KDM4C: variants seen among roughly 807,000 people sequenced by gnomAD.
KDM4C encodes lysine-specific demethylase 4C.
Under a neutral mutation model 129.3 loss-of-function variants are expected in KDM4C, and 81 were observed. The observed-to-expected ratio is 0.63, with a 90% confidence interval of 0.52 to 0.75. The LOEUF is 0.75. Ranked by LOEUF, KDM4C falls within the 30% of genes least tolerant of loss-of-function variation. The probability of loss-of-function intolerance (pLI) is 0.00; values close to 1 mark genes in which losing one functional copy is unlikely to be tolerated. For missense variants in KDM4C, 1,457 were observed against 1,304.0 expected (o/e 1.12, Z -1.81); for synonymous variants, 573 against 456.1 (o/e 1.26, Z -3.26).
Position 6,980,062 on chromosome 9 carries a change from A to T in KDM4C, c.922-863A>T, listed in dbSNP as rs574181102. 1.6e-4 allele frequency among the ~76,000 whole-genome samples: 25 copies of T among 152,286 alleles called. No individual in the cohort carries two copies. The South Asian group carries it at 4.6e-3, about 28-fold the overall frequency. Reference sequence around the variant, plus strand: ...GTATCACCAAGATATCTAAAGTCTTATTGTGTCAAAACTGTTCAGTCAGTC... The same window carrying T: ...GTATCACCAAGATATCTAAAGTCTTTTTGTGTCAAAACTGTTCAGTCAGTC... On this transcript the variant is annotated intron_variant, in intron 8 of 21. Coordinates refer to ENST00000381309, the MANE Select transcript of KDM4C (RefSeq NM_015061.6).
At chr9:7,156,217 T>G (rs1262469269) in intron 19 of KDM4C, among the ~76,000 whole-genome samples, 1 of 152,224 alleles carries the variant, frequency 6.6e-6, no homozygotes, top group East Asian at 1.9e-4. Context: ...GTTCTTTTTC[T>G]TGTAAATTTG....
chr9:6,796,433 C>T (rs548885263), intron 2 of KDM4C, among the ~76,000 whole-genome samples: 3 of 152,212 alleles, frequency 2.0e-5, no homozygotes, highest in Non-Finnish European at 2.9e-5. Flanking sequence ...TGAATGCAGC[C>T]CTTTGTCCTG....
intron 18 of KDM4C, among the ~76,000 whole-genome samples, chr9:7,104,824 G>C (rs1164495715): frequency 6.6e-6 from 1 of 152,210 alleles, no homozygotes; most frequent in Non-Finnish European, 1.5e-5. Context: ...AGCCTGCCAA[G>C]TCGTCAGCAT....
intron 1 of KDM4C, among the ~76,000 whole-genome samples, chr9:6,769,172 T>G (rs1821254607): frequency 6.6e-6 from 1 of 152,162 alleles, no homozygotes; most frequent in Non-Finnish European, 1.5e-5. Context: ...GTTACTCATT[T>G]TAGGCTTCTT....
intron 15 of KDM4C, among the ~76,000 whole-genome samples, chr9:7,016,740 T>C (rs534787440): frequency 8.5e-5 from 13 of 152,304 alleles, no homozygotes; most frequent in East Asian, 1.9e-4. Context: ...GGTAAATTTC[T>C]GGTGGCAGTC....
intron 3 of KDM4C, among the ~76,000 whole-genome samples, chr9:6,808,757 A>T (rs1386151610): frequency 6.6e-6 from 1 of 150,916 alleles, no homozygotes; most frequent in African/African-American, 2.4e-5. Flanking sequence ...GTTACAAGCC[A>T]GTTGTTAAGT....
chr9:6,895,576 A>G (rs1312008786), intron 8 of KDM4C, among the ~76,000 whole-genome samples: 3 of 152,104 alleles, frequency 2.0e-5, no homozygotes, highest in Non-Finnish European at 4.4e-5. Flanking sequence ...GCCTACTACT[A>G]CAGGGGGTAC....
At chr9:7,106,220 C>T (rs1173742128) in intron 18 of KDM4C, among the ~76,000 whole-genome samples, 2 of 152,158 alleles carry the variant, frequency 1.3e-5, no homozygotes, top group African/African-American at 2.4e-5. Flanking sequence ...TGATTTGCCC[C>T]TATTGCTTTA....
chr9:7,124,785 G>GCCA (rs1839865386), intron 18 of KDM4C, among the ~76,000 whole-genome samples: 1 of 152,206 alleles, frequency 6.6e-6, no homozygotes, highest in South Asian at 2.1e-4. Context: ...GTAATCACTG[G>GCCA]GGAATGATTT....
At chr9:7,097,501 C>A (rs1836578650) in intron 17 of KDM4C, among the ~76,000 whole-genome samples, 1 of 152,156 alleles carries the variant, frequency 6.6e-6, no homozygotes, top group Non-Finnish European at 1.5e-5. Flanking sequence ...TCCTCCATGA[C>A]CTGAGTCATC....
intron 15 of KDM4C, among the ~76,000 whole-genome samples, chr9:7,034,484 G>A (rs1342813673): frequency 3.3e-5 from 5 of 152,036 alleles, no homozygotes; most frequent in African/African-American, 7.2e-5. Flanking sequence ...GGCTTATTTC[G>A]CTTAATGTCC....
At chr9:7,019,783 A>AAAATATTATATTTTTATATATAT (rs1824437494) in intron 15 of KDM4C, among the ~76,000 whole-genome samples, 1 of 140,346 alleles carries the variant, frequency 7.1e-6, no homozygotes, top group Non-Finnish European at 1.5e-5. Flanking sequence ...TTTATATATA[A>AAAATATTATATTTTTATATATAT]AAATATTTTA....
intron 17 of KDM4C, among the ~76,000 whole-genome samples, chr9:7,054,657 A>G (rs1214900035): frequency 6.6e-6 from 1 of 152,238 alleles, no homozygotes; most frequent in Non-Finnish European, 1.5e-5. Context: ...AAAGGAGTTA[A>G]AAAGAAGTAT....
At chr9:7,068,355 G>C (rs994709141) in intron 17 of KDM4C, among the ~76,000 whole-genome samples, 2 of 152,076 alleles carry the variant, frequency 1.3e-5, no homozygotes, top group Admixed American at 1.3e-4. Flanking sequence ...AAGTTTTCCA[G>C]GCTGCATTTC....
chr9:6,817,233 G>A (rs541619702), intron 4 of KDM4C, among the ~76,000 whole-genome samples: 1 of 109,988 alleles, frequency 9.1e-6, no homozygotes, highest in South Asian at 2.8e-4. Flanking sequence ...AGACAGTCTT[G>A]TTCTGTCACC....
chr9:6,850,643 G>A (rs1838671432), intron 5 of KDM4C, among the ~76,000 whole-genome samples: 1 of 152,198 alleles, frequency 6.6e-6, no homozygotes, highest in East Asian at 1.9e-4. Context: ...TGTTGCCCAG[G>A]CTGGTCTTGA....
intron 21 of KDM4C, 130 bp downstream of exon 21, chr9:7,170,020 T>C (rs1375883980): frequency 6.5e-6 from 10 of 1,547,946 alleles, no homozygotes; most frequent in Non-Finnish European, 8.7e-6. Context: ...ATGCAACATT[T>C]TCCTTAGTGG....
upstream of KDM4C, among the ~76,000 whole-genome samples, chr9:6,755,198 C>T (rs753960238): frequency 1.3e-4 from 20 of 152,066 alleles, no homozygotes; most frequent in Admixed American, 2.6e-4. Context: ...GGTGAAACCC[C>T]GTCTCCACTT....
chr9:6,924,385 C>T (rs1822093974), intron 8 of KDM4C, among the ~76,000 whole-genome samples: 1 of 152,222 alleles, frequency 6.6e-6, no homozygotes, highest in South Asian at 2.1e-4. Context: ...CCCTTTCCCT[C>T]TGGCTTCTGG....
Sources: gnomAD v4.1 joint callset for allele counts (sites outside exome capture counted in the v4.1 genomes callset) on GRCh38, gnomAD v4.1.1 for gene constraint, MANE v1.5 for transcripts, NCBI Gene and HGNC (gene_info 2026-07-23, HGNC 2026-07-21) for gene names.